The following NEGR1 variants were observed in gnomAD, a reference collection of about 807,000 sequenced individuals.
NEGR1 encodes the protein neuronal growth regulator 1, also known as IgLON family member 4.
Under a neutral mutation model 40.9 loss-of-function variants are expected in NEGR1, and 10 were observed. That is an observed-to-expected ratio of 0.24 (90% CI 0.15 to 0.42). The LOEUF (loss-of-function observed/expected upper bound fraction) is 0.42. NEGR1 is among the 10% of genes least tolerant of loss of function. The pLI, the probability that NEGR1 is intolerant of heterozygous loss-of-function variation, is 1.00. For missense variants in NEGR1, 352 were observed against 438.9 expected (o/e 0.80, Z 1.77); for synonymous variants, 185 against 166.8 (o/e 1.11, Z -0.84).
intron 1 of NEGR1, among the ~76,000 whole-genome samples, chr1:72,061,848 T>C (rs1332414643): frequency 3.3e-5 from 5 of 151,818 alleles, no homozygotes; most frequent in Non-Finnish European, 7.4e-5. Flanking sequence ...GCCACTGGAT[T>C]GTGAACGATG....
At chr1:71,448,878 G>A (rs1569884973) in intron 6 of NEGR1, among the ~76,000 whole-genome samples, 1 of 152,142 alleles carries the variant, frequency 6.6e-6, no homozygotes, top group Non-Finnish European at 1.5e-5. Context: ...CACGATAAAG[G>A]GGCATAGGAT....
intron 1 of NEGR1, among the ~76,000 whole-genome samples, chr1:71,943,006 A>G (rs141589639): frequency 0.085 from 12,115 of 142,942 alleles, 1,003 homozygotes; most frequent in Admixed American, 0.22. Context: ...ATGTGTGTGT[A>G]TATATATATG....
intron 1 of NEGR1, among the ~76,000 whole-genome samples, chr1:71,971,862 G>A (rs1553126551): frequency 6.6e-6 from 1 of 152,056 alleles, no homozygotes; most frequent in Non-Finnish European, 1.5e-5. Flanking sequence ...ATTTGCTAAC[G>A]TTATCTGCTT....
chr1:71,635,377 G>T (rs1018359644), intron 4 of NEGR1, among the ~76,000 whole-genome samples: 1 of 152,062 alleles, frequency 6.6e-6, no homozygotes, highest in Non-Finnish European at 1.5e-5. Context: ...TTTTGGAAGA[G>T]AGCCAGAAAG....
chr1:71,952,815 A>G (rs1286705818), intron 1 of NEGR1, among the ~76,000 whole-genome samples: 1 of 151,880 alleles, frequency 6.6e-6, no homozygotes, highest in Non-Finnish European at 1.5e-5. Flanking sequence ...TACCATACCC[A>G]AAATGCTAGG....
At chr1:71,691,566 T>C (rs1255759081) in intron 4 of NEGR1, among the ~76,000 whole-genome samples, 1 of 151,910 alleles carries the variant, frequency 6.6e-6, no homozygotes. Flanking sequence ...GTATTCTTTG[T>C]GAATGTAAAC....
intron 4 of NEGR1, among the ~76,000 whole-genome samples, chr1:71,684,290 TATTA>T (rs1475387476): frequency 6.6e-6 from 1 of 152,004 alleles, no homozygotes; most frequent in African/African-American, 2.4e-5. Flanking sequence ...TTATAACGCA[TATTA>T]ATTAAATATT....
intron 3 of NEGR1, among the ~76,000 whole-genome samples, chr1:71,746,772 GCACA>G (rs57628799): frequency 0.026 from 3,702 of 143,222 alleles, 140 homozygotes; most frequent in African/African-American, 0.087. Flanking sequence ...ACACACACAC[GCACA>G]CACACACACA....
intron 2 of NEGR1, among the ~76,000 whole-genome samples, chr1:71,864,985 C>T (rs1463670155): frequency 6.6e-6 from 1 of 152,128 alleles, no homozygotes; most frequent in African/African-American, 2.4e-5. Context: ...GAGAGGTACA[C>T]ACTAAGAACA....
intron 3 of NEGR1, among the ~76,000 whole-genome samples, chr1:71,768,047 G>A (rs1207918644): frequency 2.6e-5 from 4 of 152,206 alleles, no homozygotes; most frequent in African/African-American, 4.8e-5. Context: ...AGGCATCCAG[G>A]CAGAAGCCCA....
intron 6 of NEGR1, among the ~76,000 whole-genome samples, chr1:71,499,169 G>C (rs1207436942): frequency 6.6e-6 from 1 of 152,020 alleles, no homozygotes; most frequent in African/African-American, 2.4e-5. Flanking sequence ...TAACAGAATG[G>C]TCTTCTAAAA....
chr1:71,592,759 CA>C, intron 6 of NEGR1, 57 bp downstream of exon 6: 1 of 1,398,988 alleles, frequency 7.1e-7, no homozygotes, highest in Non-Finnish European at 9.9e-7. Flanking sequence ...TTTATCTCTA[CA>C]GATGGATAGG....
intron 1 of NEGR1, among the ~76,000 whole-genome samples, chr1:72,028,343 C>G (rs1431046062): frequency 6.6e-6 from 1 of 152,106 alleles, no homozygotes; most frequent in Non-Finnish European, 1.5e-5. Context: ...ATGAATTATA[C>G]TTATACTCTA....
At chr1:71,930,110 A>G (rs1002522196) in intron 2 of NEGR1, among the ~76,000 whole-genome samples, 2 of 152,124 alleles carry the variant, frequency 1.3e-5, no homozygotes, top group African/African-American at 4.8e-5. Flanking sequence ...TCAAAAAGCT[A>G]TCTCCCTGTT....
chr1:71,646,205 CA>C (rs1252821773), intron 4 of NEGR1, among the ~76,000 whole-genome samples: 2 of 151,424 alleles, frequency 1.3e-5, no homozygotes, highest in African/African-American at 4.9e-5. Context: ...CATATATACA[CA>C]TACATATACA....
intron 1 of NEGR1, chr1:72,274,993 A>T: frequency 7.1e-6 from 11 of 1,542,904 alleles, no homozygotes; most frequent in Non-Finnish European, 9.9e-6. Context: ...AGTTAGTACG[A>T]CTGTGGAAAC....
chr1:71,712,985 T>A lies in NEGR1; in HGVS notation c.536-14846A>T, dbSNP rs912961878. On this transcript the variant is annotated intron_variant, in intron 3 of 6. Coordinates refer to ENST00000357731, the MANE Select transcript of NEGR1 (RefSeq NM_173808.3). ...CCTGTACAGCCTGTGGAACTGTGAGTCAGTTAAACATGTTTTCTTCATTAA... is the reference window on the plus strand; with the variant it reads ...CCTGTACAGCCTGTGGAACTGTGAGACAGTTAAACATGTTTTCTTCATTAA... Among the ~76,000 whole-genome samples, 19 of 152,180 alleles carry A rather than the reference T, an allele frequency of 1.2e-4. 1 individual carries two copies. The highest frequency in any genetic ancestry group is 4.3e-4 in the African/African-American group (18 of 41,448).
At chr1:71,622,605 G>T (rs1650644528) in intron 4 of NEGR1, among the ~76,000 whole-genome samples, 1 of 151,780 alleles carries the variant, frequency 6.6e-6, no homozygotes, top group Non-Finnish European at 1.5e-5. Context: ...GAGCTTCCAT[G>T]ATGTTTATTG....
rs543018570 is a variant in NEGR1 at position 71,910,861 on chromosome 1, C to A, written c.409+24218G>T. 3.3e-5 allele frequency among the ~76,000 whole-genome samples: 5 copies of A among 152,020 alleles called. No homozygotes were observed. In the East Asian group the frequency reaches 9.7e-4, roughly 30 times the overall value. On this transcript the variant is annotated intron_variant, in intron 2 of 6. Coordinates refer to ENST00000357731, the MANE Select transcript of NEGR1 (RefSeq NM_173808.3). ...TATGGGCACACACTACAAAGCCTGG[C>A]TAATTATCTTATTTTTTGTAGAGGG...
Sources: gnomAD v4.1 joint callset for allele counts (sites outside exome capture counted in the v4.1 genomes callset) on GRCh38, gnomAD v4.1.1 for gene constraint, MANE v1.5 for transcripts, NCBI Gene and HGNC (gene_info 2026-07-23, HGNC 2026-07-21) for gene names.